Variants in RABGAP1L observed in about 807,000 individuals in gnomAD.
The protein encoded by RABGAP1L is RAB GTPase activating protein 1 like, also known as rab GTPase-activating protein 1-like.
RABGAP1L carries 63 observed loss-of-function variants against 137.7 expected under a neutral mutation model. The observed-to-expected ratio is 0.46, with a 90% confidence interval of 0.37 to 0.56. The LOEUF (loss-of-function observed/expected upper bound fraction) is 0.56. RABGAP1L is among the 20% of genes least tolerant of loss of function. RABGAP1L has a pLI of 0.00. For synonymous variants in RABGAP1L, 431 were observed against 433.7 expected (o/e 0.99, Z 0.08); for missense variants, 1,095 against 1,244.0 (o/e 0.88, Z 1.80).
chr1:174,424,147 T>G (rs547511499), intron 13 of RABGAP1L, among the ~76,000 whole-genome samples: 1 of 152,230 alleles, frequency 6.6e-6, no homozygotes, highest in South Asian at 2.1e-4. Flanking sequence ...ATGGCCTACC[T>G]AGCATATAGG....
At chr1:174,474,573 G>A (rs1462701108) in intron 13 of RABGAP1L, among the ~76,000 whole-genome samples, 1 of 151,906 alleles carries the variant, frequency 6.6e-6, no homozygotes, top group East Asian at 1.9e-4. Flanking sequence ...TCATAATATC[G>A]AACCTCTCTG....
chr1:174,750,463 A>G (rs1684260802), intron 17 of RABGAP1L, among the ~76,000 whole-genome samples: 1 of 152,212 alleles, frequency 6.6e-6, no homozygotes, highest in Non-Finnish European at 1.5e-5. Context: ...TGGGCTAGTC[A>G]CATTCATACT....
chr1:174,539,565 A>G (rs1280570149), intron 13 of RABGAP1L, among the ~76,000 whole-genome samples: 1 of 152,156 alleles, frequency 6.6e-6, no homozygotes, highest in Non-Finnish European at 1.5e-5. Context: ...TCCTTGTGAT[A>G]GTTTGCTCAG....
intron 13 of RABGAP1L, among the ~76,000 whole-genome samples, chr1:174,499,283 A>G (rs1178605617): frequency 6.6e-6 from 1 of 152,182 alleles, no homozygotes; most frequent in Non-Finnish European, 1.5e-5. Flanking sequence ...TTTTATGTGG[A>G]TTAATTTTAA....
chr1:174,238,120 ATCAGCTC>A (rs1354243089), intron 4 of RABGAP1L, among the ~76,000 whole-genome samples: 12 of 152,098 alleles, frequency 7.9e-5, no homozygotes, highest in African/African-American at 2.9e-4. Flanking sequence ...TTTCAGCTCC[ATCAGCTC>A]CTTTAGGCAC....
intron 21 of RABGAP1L, among the ~76,000 whole-genome samples, chr1:174,974,997 AT>A (rs1293035615): frequency 6.6e-5 from 10 of 152,152 alleles, no homozygotes; most frequent in African/African-American, 2.2e-4. Flanking sequence ...TCTTCACATA[AT>A]CACCTCTCCT....
intron 1 of RABGAP1L, among the ~76,000 whole-genome samples, chr1:174,196,943 G>T (rs562731866): frequency 6.6e-6 from 1 of 152,172 alleles, no homozygotes; most frequent in East Asian, 1.9e-4. Flanking sequence ...TGGAATTTGA[G>T]ATGTTTTATA....
At chr1:174,671,940 T>C (rs1677205229) in intron 14 of RABGAP1L, among the ~76,000 whole-genome samples, 1 of 152,122 alleles carries the variant, frequency 6.6e-6, no homozygotes, top group Non-Finnish European at 1.5e-5. Flanking sequence ...GGTAGTTTTT[T>C]AACTATCTGG....
At position 174,973,979 on chromosome 1, in the gene RABGAP1L, G is replaced by GTTTTTTT. The variant is rs58500594; in HGVS notation, c.2545-2078_2545-2072dup. 3.0e-3 allele frequency among the ~76,000 whole-genome samples: 254 copies of GTTTTTTT among 85,808 alleles called. 1 individual carries two copies. Among genetic ancestry groups the GTTTTTTT allele is most frequent in the Middle Eastern group, 8.5e-3 (1 of 118 alleles). 56.3% of individuals were successfully genotyped at this position (85,808 alleles called of 152,430 possible). A position where few individuals can be genotyped will look rare whatever the true frequency, so the allele number is the denominator to read the frequency against. ...GAAATGAGCAGTACAATTGTTTTTTGTTTTTTTTTTTTTTTTTTTTTTTTT... is the reference window on the plus strand; with the variant it reads ...GAAATGAGCAGTACAATTGTTTTTTGTTTTTTTTTTTTTTTTTTTTTTTTTTTTTTTT... On this transcript the variant is annotated intron_variant, in intron 21 of 25. Coordinates refer to ENST00000681986, the MANE Select transcript of RABGAP1L (RefSeq NM_001366446.1).
At chr1:174,449,280 G>C (rs967807698) in intron 13 of RABGAP1L, 1 of 1,207,690 alleles carries the variant, frequency 8.3e-7, no homozygotes, top group African/African-American at 1.5e-5. Flanking sequence ...TGCCATCAGA[G>C]AAATATTTAC....
At chr1:174,169,701 T>C (rs1665187565) in intron 1 of RABGAP1L, among the ~76,000 whole-genome samples, 1 of 152,066 alleles carries the variant, frequency 6.6e-6, no homozygotes, top group South Asian at 2.1e-4. Flanking sequence ...CTTTTTTTCA[T>C]GTTTTGGAGA....
intron 14 of RABGAP1L, among the ~76,000 whole-genome samples, chr1:174,655,389 A>C (rs1403243253): frequency 2.0e-5 from 3 of 152,122 alleles, no homozygotes; most frequent in African/African-American, 7.2e-5. Context: ...CATTTTTTTG[A>C]ATATCCCTCA....
intron 13 of RABGAP1L, among the ~76,000 whole-genome samples, chr1:174,455,080 A>C (rs1254147654): frequency 1.3e-5 from 2 of 152,202 alleles, no homozygotes; most frequent in Non-Finnish European, 2.9e-5. Flanking sequence ...AACAGTAATA[A>C]ATTTAGCAGG....
intron 8 of RABGAP1L, chr1:174,275,319 G>A (rs773511156): frequency 6.6e-6 from 1 of 152,036 alleles, no homozygotes; most frequent in African/African-American, 2.4e-5. Context: ...AAATAGACAA[G>A]TGTTAATTTT....
At chr1:174,320,255 C>T (rs1242299461) in intron 11 of RABGAP1L, among the ~76,000 whole-genome samples, 2 of 152,284 alleles carry the variant, frequency 1.3e-5, no homozygotes, top group Middle Eastern at 3.4e-3. Context: ...CGTTTCCCCT[C>T]ACTTGTGGTT....
chr1:174,735,236 A>G (rs1019404281), intron 17 of RABGAP1L, among the ~76,000 whole-genome samples: 26 of 151,672 alleles, frequency 1.7e-4, no homozygotes, highest in Admixed American at 6.6e-5. Context: ...TCAGCCTCCC[A>G]AAGTGCTGGG....
intron 1 of RABGAP1L, among the ~76,000 whole-genome samples, chr1:174,206,208 A>T (rs1222760573): frequency 1.3e-5 from 2 of 152,192 alleles, no homozygotes; most frequent in Non-Finnish European, 2.9e-5. Flanking sequence ...GCAGAATAAG[A>T]TGTTTGAGAA....
intron 13 of RABGAP1L, among the ~76,000 whole-genome samples, chr1:174,512,639 T>C (rs1662461356): frequency 6.6e-6 from 1 of 152,192 alleles, no homozygotes; most frequent in Non-Finnish European, 1.5e-5. Flanking sequence ...TCACTCTTTC[T>C]CTAATCTTCT....
intron 19 of RABGAP1L, among the ~76,000 whole-genome samples, chr1:174,898,739 T>C (rs948118809): frequency 3.3e-5 from 5 of 152,220 alleles, no homozygotes; most frequent in Non-Finnish European, 7.3e-5. Flanking sequence ...TATAGCATGT[T>C]AACAATGTTT....
Sources: allele counts gnomAD v4.1 joint callset (sites outside exome capture counted in the v4.1 genomes callset), GRCh38; gene constraint gnomAD v4.1.1; transcripts MANE v1.5; gene names NCBI Gene and HGNC (gene_info 2026-07-23, HGNC 2026-07-21).